HELZ: variants seen among roughly 807,000 people sequenced by gnomAD.
HELZ encodes ATP-dependent RNA helicase with zinc finger domain.
Under a neutral mutation model 218.2 loss-of-function variants are expected in HELZ, and 23 were observed. The observed-to-expected ratio is 0.11, with a 90% confidence interval of 0.08 to 0.15. The LOEUF (loss-of-function observed/expected upper bound fraction) is 0.15. Ranked by LOEUF, HELZ falls within the 10% of genes least tolerant of loss-of-function variation. The pLI, the probability that HELZ is intolerant of heterozygous loss-of-function variation, is 1.00. For missense variants in HELZ, 1,813 were observed against 2,353.7 expected (o/e 0.77, Z 4.75); for synonymous variants, 814 against 829.4 (o/e 0.98, Z 0.32).
chr17:67,149,565 C>T (rs1233702401), intron 19 of HELZ, among the ~76,000 whole-genome samples: 1 of 151,906 alleles, frequency 6.6e-6, no homozygotes, highest in Non-Finnish European at 1.5e-5. Context: ...CAGGAATGAT[C>T]ATTTAAATTT....
intron 7 of HELZ, among the ~76,000 whole-genome samples, chr17:67,195,864 T>C (rs1455684180): frequency 3.2e-4 from 47 of 148,942 alleles, no homozygotes; most frequent in Admixed American, 6.7e-4. Context: ...TTTTTTTTTT[T>C]TTTTTGGGAC....
chr17:67,162,984 A>C (rs1308851554), intron 15 of HELZ, among the ~76,000 whole-genome samples: 2 of 152,294 alleles, frequency 1.3e-5, no homozygotes, highest in Non-Finnish European at 2.9e-5. Context: ...TTAAAGCCAC[A>C]ATCAGTTCAG....
intron 3 of HELZ, among the ~76,000 whole-genome samples, chr17:67,231,332 G>T (rs369477825): frequency 6.6e-6 from 1 of 151,842 alleles, no homozygotes; most frequent in Non-Finnish European, 1.5e-5. Context: ...GGTGGCTCAC[G>T]CATGTAATCC....
chr17:67,198,420 AT>A (rs1332630893), intron 7 of HELZ, among the ~76,000 whole-genome samples: 6 of 152,188 alleles, frequency 3.9e-5, no homozygotes, highest in Admixed American at 3.9e-4. Context: ...CTGGCTAAGT[AT>A]TTAGCAGTCC....
chr17:67,184,341 T>A (rs1400911153), intron 12 of HELZ, among the ~76,000 whole-genome samples: 2 of 152,232 alleles, frequency 1.3e-5, no homozygotes, highest in Non-Finnish European at 2.9e-5. Flanking sequence ...ATTTAGAAAA[T>A]GCTAAGCTAA....
At chr17:67,143,373 C>T (rs1422143641) in intron 21 of HELZ, among the ~76,000 whole-genome samples, 2 of 151,942 alleles carry the variant, frequency 1.3e-5, no homozygotes, top group African/African-American at 4.8e-5. Flanking sequence ...TTTGGGAAGC[C>T]GAGGTGAGAG....
intron 31 of HELZ, among the ~76,000 whole-genome samples, chr17:67,095,550 A>C (rs1236097822): frequency 6.6e-6 from 1 of 152,192 alleles, no homozygotes; most frequent in Admixed American, 6.5e-5. Context: ...CCTTCTCTTC[A>C]AAACAAAAGG....
intron 31 of HELZ, among the ~76,000 whole-genome samples, chr17:67,087,378 A>G (rs2036426106): frequency 6.6e-6 from 1 of 152,194 alleles, no homozygotes; most frequent in Non-Finnish European, 1.5e-5. Context: ...TCTGTAGAAT[A>G]TGGGAATTGA....
chr17:67,109,185 T>C lies in HELZ; in HGVS notation c.4420A>G (p.Ile1474Val). 3 of 1,614,016 alleles carry C rather than the reference T, an allele frequency of 1.9e-6. No individual in the cohort carries two copies. Among genetic ancestry groups the C allele is most frequent in the African/African-American group, 1.3e-5 (1 of 75,010 alleles). Residue 1474 changes from isoleucine (I) to valine (V), a missense_variant, in exon 29 of 33, where the codon ATT (isoleucine) becomes GTT (valine). This residue lies in a region of HELZ where 938 missense variants were observed against 1,027.5 expected (regional missense o/e 0.91). Coordinates refer to ENST00000358691, the MANE Select transcript of HELZ (RefSeq NM_014877.4). ...PLRAIAQPGP[I>V]LPSHLNSFID... ...AAGCTATTCAGATGTGAAGGAAGAATGGGGCCGGGTTGTGCAATGGCTCTC... is the reference window on the plus strand; with the variant it reads ...AAGCTATTCAGATGTGAAGGAAGAACGGGGCCGGGTTGTGCAATGGCTCTC...
intron 20 of HELZ, among the ~76,000 whole-genome samples, chr17:67,146,932 G>C (rs2038515550): frequency 6.6e-6 from 1 of 152,166 alleles, no homozygotes; most frequent in South Asian, 2.1e-4. Flanking sequence ...AGGGTTACAT[G>C]CTGCACGCAG....
intron 7 of HELZ, chr17:67,200,905 A>G: frequency 2.0e-6 from 1 of 512,278 alleles, no homozygotes; most frequent in Non-Finnish European, 3.5e-6. Flanking sequence ...CTAGGGACAG[A>G]AGATAAGCCC....
At position 67,148,604 on chromosome 17, in the gene HELZ, C is replaced by T. The variant is rs868724479; in HGVS notation, c.2586G>A (p.Leu862=). 13 of 1,613,536 alleles carry T rather than the reference C, an allele frequency of 8.1e-6. No individual in the cohort carries two copies. In the Middle Eastern group the frequency reaches 1.5e-3, roughly 184 times the overall value. The change falls in exon 20 of 33, where the codon CTG becomes CTA. Residue 862 remains leucine, a synonymous_variant. Transcript: ENST00000358691. ...CTTCATGGGAGCGGTAGTTCTCACA[C>T]AGGAGAATCCTACATGGGAACTCAG... ...YPAEFPCRIL[L]CENYRSHEAI...
At chr17:67,109,877 G>GA (rs201987965) in intron 28 of HELZ, among the ~76,000 whole-genome samples, 191 bp from the exon 29 acceptor site, 2 of 150,992 alleles carry the variant, frequency 1.3e-5, no homozygotes, top group South Asian at 2.1e-4. Context: ...AAAGATGACA[G>GA]AAAAAAAACA....
chr17:67,174,985 C>T (rs1648042034), intron 13 of HELZ, among the ~76,000 whole-genome samples: 1 of 152,144 alleles, frequency 6.6e-6, no homozygotes, highest in Non-Finnish European at 1.5e-5. Context: ...ATGTCCAAGT[C>T]ATTTAGAGAG....
chr17:67,115,937 CTT>C (rs752458966), intron 27 of HELZ, among the ~76,000 whole-genome samples: 51 of 152,180 alleles, frequency 3.4e-4, no homozygotes, highest in Non-Finnish European at 5.4e-4. Context: ...ATTTAGAACT[CTT>C]TTACTTGGCT....
chr17:67,160,916 G>C lies in HELZ; in HGVS notation c.2056C>G (p.Leu686Val). The change falls in exon 16 of 33, where the codon CTG becomes GTG. Residue 686 changes from leucine to valine, a missense_variant. By Grantham distance (32) the Leu-to-Val change is conservative. Around this residue, in one of 4 missense-constraint regions of HELZ, gnomAD observed 714 missense variants for 1,029.2 expected, o/e 0.69. Coordinates refer to ENST00000358691, the MANE Select transcript of HELZ (RefSeq NM_014877.4). ...FTLAQAVKHI[L>V]QQQETRILIC... Reference sequence around the variant, plus strand: ...TCTCACCTAGTCTCCTGTTGCTGCAGAATATGTTTGACAGCCTGAGCTAGA... The same window carrying C: ...TCTCACCTAGTCTCCTGTTGCTGCACAATATGTTTGACAGCCTGAGCTAGA... 1 of 1,607,024 alleles carries C rather than the reference G, an allele frequency of 6.2e-7. No homozygotes were observed.
intron 5 of HELZ, among the ~76,000 whole-genome samples, chr17:67,214,131 G>A (rs2040528477): frequency 6.6e-6 from 1 of 151,532 alleles, no homozygotes; most frequent in South Asian, 2.1e-4. Flanking sequence ...ATAGATAGCA[G>A]GGATTTTTTT....
Position 67,109,398 on chromosome 17 carries a change from G to A in HELZ, c.4207C>T (p.Gln1403Ter). The change falls in exon 29 of 33, where the codon CAG becomes TAG. Residue 1403 changes from glutamine (Q) to a stop codon, truncating the protein, a stop_gained. Transcript: ENST00000358691. LOFTEE classifies it high-confidence loss of function. ...QIPPQPNQVV[Q>*]QQSQLNQQPQ... Reference sequence around the variant, plus strand: ...TGCTGATTCAACTGACTTTGCTGCTGGACTACCTGATTTGGCTGAGGTGGT... The same window carrying A: ...TGCTGATTCAACTGACTTTGCTGCTAGACTACCTGATTTGGCTGAGGTGGT... 6.2e-7 allele frequency: 1 copy of A among 1,614,144 alleles called. No individual in the cohort carries two copies. Among genetic ancestry groups the A allele is most frequent in the Non-Finnish European group, 8.5e-7 (1 of 1,180,030 alleles).
At position 67,171,232 on chromosome 17, in the gene HELZ, C is replaced by T. The variant is rs555018018; in HGVS notation, c.1431-3436G>A. Among the ~76,000 whole-genome samples, 9 of 152,242 alleles carry T rather than the reference C, an allele frequency of 5.9e-5. No homozygotes were observed. In the South Asian group the frequency reaches 1.9e-3, roughly 32 times the overall value. ...TACTCTGTAAGTTCTTGATAGGTCA[C>T]CCTCTCCCAGATCTCCCAGCTCAGG... On this transcript the variant is annotated intron_variant, in intron 13 of 32. Transcript: ENST00000358691.
Sources: gnomAD v4.1 joint callset for allele counts (sites outside exome capture counted in the v4.1 genomes callset) on GRCh38, gnomAD v4.1.1 for gene constraint, gnomAD v4.1.1 regional missense constraint, MANE v1.5 for transcripts, NCBI Gene and HGNC (gene_info 2026-07-23, HGNC 2026-07-21) for gene names.